Variants in ARID4B observed in about 807,000 individuals in gnomAD.
The protein encoded by ARID4B is AT-rich interaction domain 4B, also known as AT-rich interactive domain-containing protein 4B.
ARID4B carries 26 observed loss-of-function variants against 147.5 expected under a neutral mutation model. That is an observed-to-expected ratio of 0.18 (90% CI 0.13 to 0.24). ARID4B has a LOEUF of 0.24. ARID4B is among the 10% of genes least tolerant of loss of function. The probability of loss-of-function intolerance (pLI) is 1.00; values close to 1 mark genes in which losing one functional copy is unlikely to be tolerated. For missense variants in ARID4B, 1,179 were observed against 1,511.5 expected (o/e 0.78, Z 3.65); for synonymous variants, 512 against 507.9 (o/e 1.01, Z -0.11).
intron 6 of ARID4B, among the ~76,000 whole-genome samples, chr1:235,248,382 T>A (rs192584247): frequency 6.6e-6 from 1 of 152,320 alleles, no homozygotes; most frequent in Admixed American, 6.5e-5. Context: ...CATTAACTCC[T>A]ATGGTGAAAA....
intron 6 of ARID4B, among the ~76,000 whole-genome samples, chr1:235,248,998 T>C (rs1282833634): frequency 2.0e-5 from 3 of 152,184 alleles, no homozygotes; most frequent in Admixed American, 6.5e-5. Flanking sequence ...CCTAAACTTC[T>C]CTAGAGTTTT....
intron 2 of ARID4B, 62 bp from the exon 3 acceptor site, chr1:235,260,814 T>C (rs1572100013): frequency 1.7e-6 from 2 of 1,156,414 alleles, no homozygotes; most frequent in East Asian, 4.9e-5. Context: ...TAATCAGACC[T>C]CAGAATAGTG....
chr1:235,182,555 T>A lies in ARID4B; in HGVS notation c.2364A>T (p.Val788=). 6.2e-7 allele frequency: 1 copy of A among 1,612,490 alleles called. No individual in the cohort carries two copies. Among genetic ancestry groups the A allele is most frequent in the Non-Finnish European group, 8.5e-7 (1 of 1,179,690 alleles). ...SPERLRKDIE[V]LSEDTDYEED... ...CTTCATAATCAGTATCTTCGGATAA[T>A]ACTTCTATATCTTTCCTTAATCTTT... The change falls in exon 20 of 24, where the codon GTA becomes GTT. Residue 788 remains valine, a synonymous_variant. Transcript: ENST00000264183.
chr1:235,230,446 A>C (rs530455854), intron 10 of ARID4B, among the ~76,000 whole-genome samples: 8 of 149,474 alleles, frequency 5.4e-5, no homozygotes, highest in Non-Finnish European at 1.2e-4. Context: ...CAAAACAAAA[A>C]AAACAACAAC....
intron 16 of ARID4B, among the ~76,000 whole-genome samples, chr1:235,217,435 C>T (rs1394255714): frequency 6.7e-6 from 1 of 149,526 alleles, no homozygotes; most frequent in Non-Finnish European, 1.5e-5. Flanking sequence ...CATACATACA[C>T]TCACATACAT....
At chr1:235,255,938 C>T (rs557417144) in intron 4 of ARID4B, among the ~76,000 whole-genome samples, 188 bp from the exon 5 acceptor site, 35 of 152,152 alleles carry the variant, frequency 2.3e-4, no homozygotes, top group African/African-American at 8.4e-4. Flanking sequence ...CTTTGAGGGG[C>T]TGAGGCAGGT....
In ARID4B at chr1:235,225,609, G is replaced by A. The variant is rs114032624; in HGVS notation, c.898-834C>T. Reference sequence around the variant, plus strand: ...ATAGGCTATGGAGCCTACTGTTACAGAACATGATTAGGAGTAACTGCAGAG... The same window carrying A: ...ATAGGCTATGGAGCCTACTGTTACAAAACATGATTAGGAGTAACTGCAGAG... On this transcript the variant is annotated intron_variant, in intron 11 of 23. Transcript: ENST00000264183. Among the ~76,000 whole-genome samples, 493 of 152,298 alleles carry A rather than the reference G, an allele frequency of 3.2e-3. 2 individuals carry two copies. The highest frequency in any genetic ancestry group is 4.4e-3 in the Non-Finnish European group (299 of 68,018).
intron 2 of ARID4B, among the ~76,000 whole-genome samples, chr1:235,321,402 TAGCAGGTCCAATGAC>T (rs1674823519): frequency 1.3e-5 from 2 of 152,282 alleles, no homozygotes; most frequent in African/African-American, 4.8e-5. Context: ...ACATCTTAAC[TAGCAGGTCCAATGAC>T]AGCATGCTTC....
chr1:235,202,412 C>T (rs1435274186), intron 17 of ARID4B, among the ~76,000 whole-genome samples: 1 of 151,082 alleles, frequency 6.6e-6, no homozygotes, highest in Non-Finnish European at 1.5e-5. Flanking sequence ...ATATATATGA[C>T]TTGTCTGATA....
intron 22 of ARID4B, among the ~76,000 whole-genome samples, chr1:235,173,858 T>C (rs1275706565): frequency 7.5e-6 from 1 of 133,420 alleles, no homozygotes; most frequent in Non-Finnish European, 1.6e-5. Flanking sequence ...TAAATGAAGA[T>C]TTATGAAGAT....
intron 2 of ARID4B, among the ~76,000 whole-genome samples, chr1:235,323,760 G>A (rs1295115483): frequency 2.6e-5 from 4 of 151,238 alleles, no homozygotes; most frequent in Admixed American, 6.6e-5. Flanking sequence ...CTCCGGCCTG[G>A]GCAACAAGAG....
chr1:235,178,454 T>C (rs1000930893), intron 20 of ARID4B, among the ~76,000 whole-genome samples: 6 of 152,152 alleles, frequency 3.9e-5, no homozygotes, highest in African/African-American at 1.4e-4. Context: ...TTAACATGCA[T>C]ACCATTTACA....
chr1:235,314,768 A>G (rs562508427), intron 2 of ARID4B, among the ~76,000 whole-genome samples: 1 of 152,096 alleles, frequency 6.6e-6, no homozygotes, highest in South Asian at 2.1e-4. Context: ...TTTTACTATC[A>G]GTAAAATATG....
intron 2 of ARID4B, among the ~76,000 whole-genome samples, chr1:235,262,968 T>G (rs1197992221): frequency 6.6e-6 from 1 of 152,262 alleles, no homozygotes; most frequent in African/African-American, 2.4e-5. Flanking sequence ...TAAATTTTTT[T>G]TAAATGTTTT....
intron 17 of ARID4B, among the ~76,000 whole-genome samples, chr1:235,200,618 T>C (rs1286000407): frequency 6.6e-6 from 1 of 151,380 alleles, no homozygotes; most frequent in Non-Finnish European, 1.5e-5. Flanking sequence ...TCTCATTCCT[T>C]ACCAAAGAAG....
Position 235,234,500 on chromosome 1 carries a change from G to A in ARID4B, c.586-8C>T. 2 of 1,571,698 alleles carry A rather than the reference G, an allele frequency of 1.3e-6. No homozygotes were observed. The highest frequency in any genetic ancestry group is 1.7e-4 in the Middle Eastern group (1 of 5,954). ...ACAATCAGGACAAACCACCTTTTAAGAAAAAGGGTGAAGCTATTATAACTA... is the reference window on the plus strand; with the variant it reads ...ACAATCAGGACAAACCACCTTTTAAAAAAAAGGGTGAAGCTATTATAACTA... On this transcript the variant is annotated splice_polypyrimidine_tract_variant and splice_region_variant and intron_variant, in intron 8 of 23. Transcript: ENST00000264183.
At chr1:235,198,743 CA>C (rs1224565437) in intron 17 of ARID4B, among the ~76,000 whole-genome samples, 1 of 152,176 alleles carries the variant, frequency 6.6e-6, no homozygotes, top group Non-Finnish European at 1.5e-5. Context: ...TTAGATGAAA[CA>C]AACTACATAC....
At chr1:235,251,219 T>TA (rs71172281) in intron 6 of ARID4B, among the ~76,000 whole-genome samples, 88 of 141,056 alleles carry the variant, frequency 6.2e-4, no homozygotes, top group South Asian at 1.7e-3. Context: ...TGAGAAAAGT[T>TA]AAAAAAAAAA....
chr1:235,244,445 C>T (rs1669174938), intron 7 of ARID4B, among the ~76,000 whole-genome samples: 3 of 151,600 alleles, frequency 2.0e-5, no homozygotes, highest in African/African-American at 7.3e-5. Flanking sequence ...AAATTCAATC[C>T]AGTAATACAT....
Sources: allele counts gnomAD v4.1 joint callset (sites outside exome capture counted in the v4.1 genomes callset), GRCh38; gene constraint gnomAD v4.1.1; transcripts MANE v1.5; gene names NCBI Gene and HGNC (gene_info 2026-07-23, HGNC 2026-07-21).